Variants in PBX3 observed in about 807,000 individuals in gnomAD.
PBX3 encodes the protein pre-B-cell leukemia transcription factor 3.
PBX3 carries 14 observed loss-of-function variants against 48.5 expected under a neutral mutation model. That is an observed-to-expected ratio of 0.29 (90% CI 0.19 to 0.45). The LOEUF is 0.45. PBX3 is among the 20% of genes least tolerant of loss of function. The pLI, the probability that PBX3 is intolerant of heterozygous loss-of-function variation, is 1.00. For missense variants in PBX3, 386 were observed against 546.7 expected (o/e 0.71, Z 2.93); for synonymous variants, 210 against 200.3 (o/e 1.05, Z -0.41).
chr9:125,873,953 A>G (rs1840187239), intron 2 of PBX3, among the ~76,000 whole-genome samples: 1 of 152,202 alleles, frequency 6.6e-6, no homozygotes, highest in South Asian at 2.1e-4. Flanking sequence ...TATCAAATGC[A>G]AACAAAAAAG....
At chr9:125,939,296 CAA>C (rs1841908381) in intron 5 of PBX3, among the ~76,000 whole-genome samples, 1 of 151,848 alleles carries the variant, frequency 6.6e-6, no homozygotes, top group Non-Finnish European at 1.5e-5. Flanking sequence ...CAAAAATAGG[CAA>C]AAGAGTCAAA....
At chr9:125,863,105 C>T (rs1839901292) in intron 2 of PBX3, among the ~76,000 whole-genome samples, 1 of 151,928 alleles carries the variant, frequency 6.6e-6, no homozygotes, top group African/African-American at 2.4e-5. Flanking sequence ...GCTTTGTTGG[C>T]CAGGCTGGTC....
At chr9:125,913,820 A>C (rs1841261329) in intron 2 of PBX3, among the ~76,000 whole-genome samples, 1 of 152,166 alleles carries the variant, frequency 6.6e-6, no homozygotes, top group Non-Finnish European at 1.5e-5. Context: ...AAAATCAACA[A>C]ACACACAAAA....
At chr9:125,961,593 T>C (rs771635612) in intron 6 of PBX3, among the ~76,000 whole-genome samples, 10 of 151,528 alleles carry the variant, frequency 6.6e-5, no homozygotes, top group African/African-American at 1.2e-4. Context: ...AGTAGGGGGG[T>C]TTTTGTTTGT....
chr9:125,917,284 A>G (rs1841355131), intron 3 of PBX3, among the ~76,000 whole-genome samples: 1 of 152,082 alleles, frequency 6.6e-6, no homozygotes, highest in Non-Finnish European at 1.5e-5. Flanking sequence ...TATCACATAT[A>G]CCTCCTGTCC....
chr9:125,774,152 A>G (rs1292663605), intron 2 of PBX3, among the ~76,000 whole-genome samples: 2 of 152,208 alleles, frequency 1.3e-5, no homozygotes, highest in Non-Finnish European at 2.9e-5. Flanking sequence ...AGGGGAAGCC[A>G]GCGTGTCTTA....
At chr9:125,864,803 C>T (rs758203888) in intron 2 of PBX3, among the ~76,000 whole-genome samples, 38 of 152,184 alleles carry the variant, frequency 2.5e-4, no homozygotes, top group Non-Finnish European at 1.0e-4. Flanking sequence ...GGCCTGGTTT[C>T]CAACAGGCCG....
At chr9:125,760,501 A>G (rs1836637575) in intron 2 of PBX3, among the ~76,000 whole-genome samples, 1 of 152,178 alleles carries the variant, frequency 6.6e-6, no homozygotes, top group Admixed American at 6.5e-5. Flanking sequence ...AAATAATATT[A>G]GCATGGCATA....
At chr9:125,926,954 A>G (rs1264912930) in intron 3 of PBX3, among the ~76,000 whole-genome samples, 1 of 152,208 alleles carries the variant, frequency 6.6e-6, no homozygotes, top group Admixed American at 6.5e-5. Flanking sequence ...TTACTGTGTC[A>G]TATCCTGGGA....
chr9:125,754,229 C>T (rs1049062355), intron 2 of PBX3, among the ~76,000 whole-genome samples: 7 of 152,058 alleles, frequency 4.6e-5, no homozygotes, highest in Non-Finnish European at 7.4e-5. Context: ...GTTTTCTCAG[C>T]AGTCTTGTGT....
intron 5 of PBX3, among the ~76,000 whole-genome samples, chr9:125,945,104 G>C (rs929384755): frequency 6.6e-6 from 1 of 152,056 alleles, no homozygotes; most frequent in African/African-American, 2.4e-5. Context: ...CATGCCGGTG[G>C]TTCTAGCTAC....
intron 2 of PBX3, among the ~76,000 whole-genome samples, chr9:125,885,826 TA>T (rs1341756028): frequency 1.6e-4 from 24 of 151,840 alleles, no homozygotes; most frequent in African/African-American, 4.8e-4. Flanking sequence ...GTGTTAGTTT[TA>T]CAGCAATAAG....
chr9:125,827,281 T>G (rs1042245870), intron 2 of PBX3, among the ~76,000 whole-genome samples: 1 of 152,182 alleles, frequency 6.6e-6, no homozygotes, highest in African/African-American at 2.4e-5. Context: ...TTCAAACACA[T>G]AGCCTTTTAT....
At chr9:125,954,516 C>T (rs894741429) in intron 5 of PBX3, among the ~76,000 whole-genome samples, 2 of 152,034 alleles carry the variant, frequency 1.3e-5, no homozygotes, top group African/African-American at 4.8e-5. Flanking sequence ...AAATTTTAGA[C>T]TTGAAGAGCA....
At chr9:125,930,668 G>T (rs1454448036) in intron 4 of PBX3, among the ~76,000 whole-genome samples, 2 of 152,208 alleles carry the variant, frequency 1.3e-5, no homozygotes, top group African/African-American at 4.8e-5. Flanking sequence ...AAAACAAAGT[G>T]TGTGGAGCAT....
chr9:125,940,849 G>A (rs1181827097), intron 5 of PBX3, among the ~76,000 whole-genome samples: 1 of 152,210 alleles, frequency 6.6e-6, no homozygotes, highest in Non-Finnish European at 1.5e-5. Context: ...TGATTGGAAG[G>A]AGGAAGAACT....
intron 2 of PBX3, among the ~76,000 whole-genome samples, chr9:125,886,032 C>G (rs1840492097): frequency 6.6e-6 from 1 of 152,050 alleles, no homozygotes; most frequent in South Asian, 2.1e-4. Context: ...ATAGTGACTG[C>G]TAGGTATCCC....
intron 2 of PBX3, among the ~76,000 whole-genome samples, chr9:125,754,355 A>G (rs1836454544): frequency 6.6e-6 from 1 of 152,068 alleles, no homozygotes; most frequent in African/African-American, 2.4e-5. Flanking sequence ...CATTTGCTCT[A>G]CTTCAGTAGG....
chr9:125,928,424 T>TGTGTGTGTGTGTG (rs1554729911), intron 3 of PBX3, among the ~76,000 whole-genome samples: 2 of 125,192 alleles, frequency 1.6e-5, no homozygotes, highest in African/African-American at 8.5e-5. Flanking sequence ...GTGTGTGTGT[T>TGTGTGTGTGTGTG]TTTGTGTATG....
Sources: gnomAD v4.1 joint callset for allele counts (sites outside exome capture counted in the v4.1 genomes callset) on GRCh38, gnomAD v4.1.1 for gene constraint, MANE v1.5 for transcripts, NCBI Gene and HGNC (gene_info 2026-07-23, HGNC 2026-07-21) for gene names.